The following FIP1L1 variants were observed in gnomAD, a reference collection of about 807,000 sequenced individuals.
FIP1L1 encodes pre-mRNA 3'-end-processing factor FIP1.
A neutral mutation model predicts 84.6 loss-of-function variants in FIP1L1; 21 were observed. The ratio of observed to expected loss-of-function variants is 0.25; its 90% CI spans 0.18 to 0.36. The LOEUF (loss-of-function observed/expected upper bound fraction) is 0.36. FIP1L1 is among the 10% of genes least tolerant of loss of function. The pLI, the probability that FIP1L1 is intolerant of heterozygous loss-of-function variation, is 1.00. For synonymous variants in FIP1L1, 263 were observed against 242.3 expected, an observed-to-expected ratio of 1.09 and a Z score of -0.80; for missense variants, 526 against 751.1, an observed-to-expected ratio of 0.70 and a Z score of 3.50.
intron 15 of FIP1L1, among the ~76,000 whole-genome samples, chr4:53,445,492 G>A (rs1773807273): frequency 1.3e-5 from 2 of 152,190 alleles, no homozygotes; most frequent in Non-Finnish European, 2.9e-5. Context: ...ACCAGGGAAT[G>A]AGTAGTTCTC....
intron 16 of FIP1L1, among the ~76,000 whole-genome samples, chr4:53,457,599 CTA>C (rs1214921224): frequency 6.6e-6 from 1 of 152,020 alleles, no homozygotes; most frequent in Non-Finnish European, 1.5e-5. Flanking sequence ...TGTCACCTGA[CTA>C]TGTTAAACCC....
rs371873079 is a variant in FIP1L1 at position 53,419,936 on chromosome 4, C to T, written c.923+5214C>T. ...AAGACCAGCCTGACCAGGCCAGGCG[C>T]GGTGGCTCACGCCTGTAATCCCAGC... On this transcript the variant is annotated intron_variant, in intron 11 of 17. Transcript: ENST00000337488. 6.3e-4 allele frequency among the ~76,000 whole-genome samples: 96 copies of T among 152,044 alleles called. 1 individual carries two copies. In the South Asian group the frequency reaches 0.017, roughly 27 times the overall value.
chr4:53,394,834 T>G (rs1746383859), intron 9 of FIP1L1, among the ~76,000 whole-genome samples: 1 of 152,112 alleles, frequency 6.6e-6, no homozygotes. Context: ...CTACATAGTT[T>G]ATTATTTGGA....
chr4:53,382,539 G>A (rs1738655137), intron 4 of FIP1L1, among the ~76,000 whole-genome samples: 1 of 152,220 alleles, frequency 6.6e-6, no homozygotes, highest in South Asian at 2.1e-4. Flanking sequence ...AAAGACTGCA[G>A]AGGAAAATAG....
rs149817693 is a variant in FIP1L1, at chr4:53,399,834, G to A, written c.810G>A (p.Pro270=). ...CTTTGTTCAAGACTGGGCTTCCACCGAGCAGGTTAGTTACATAGTTATAAC... is the reference window on the plus strand; with the variant it reads ...CTTTGTTCAAGACTGGGCTTCCACCAAGCAGGTTAGTTACATAGTTATAAC... ...PPSLFKTGLP[P]SRNSTSSQSQ... is the part of the protein sequence containing the mutation. The change falls in exon 10 of 18, where the codon CCG becomes CCA. Residue 270 remains proline (P), a synonymous_variant. Coordinates refer to ENST00000337488, the MANE Select transcript of FIP1L1 (RefSeq NM_030917.4). The A allele has an allele frequency of 1.7e-5, 27 of 1,604,266 alleles. No individual in the cohort carries two copies. Among genetic ancestry groups the A allele is most frequent in the Middle Eastern group, 1.6e-4 (1 of 6,070 alleles).
intron 15 of FIP1L1, among the ~76,000 whole-genome samples, chr4:53,448,294 T>C (rs1220002636): frequency 6.6e-6 from 1 of 152,126 alleles, no homozygotes; most frequent in Non-Finnish European, 1.5e-5. Flanking sequence ...TCTATGTGTA[T>C]GAATCTGGTT....
chr4:53,379,286 T>A (rs113914235), intron 3 of FIP1L1, 22 bp downstream of exon 3: 13 of 1,575,096 alleles, frequency 8.3e-6, no homozygotes, highest in African/African-American at 6.8e-5. Flanking sequence ...TTTCTGTTGA[T>A]GCCTATTACA....
chr4:53,400,926 T>C (rs575815395), intron 10 of FIP1L1, among the ~76,000 whole-genome samples: 156 of 152,332 alleles, frequency 1.0e-3, no homozygotes, highest in Non-Finnish European at 1.8e-3. Flanking sequence ...GAGGTTAACT[T>C]TCATTCATTG....
intron 13 of FIP1L1, among the ~76,000 whole-genome samples, chr4:53,431,286 CTA>C (rs1491109401): frequency 6.6e-6 from 1 of 152,138 alleles, no homozygotes; most frequent in African/African-American, 2.4e-5. Flanking sequence ...CATGATTACA[CTA>C]TGTTCCGTAG....
intron 11 of FIP1L1, among the ~76,000 whole-genome samples, chr4:53,425,590 GACT>G (rs754584671): frequency 2.6e-5 from 4 of 152,022 alleles, no homozygotes; most frequent in Non-Finnish European, 4.4e-5. Flanking sequence ...TTTATTTGGA[GACT>G]ACTAAAACTA....
intron 1 of FIP1L1, chr4:53,378,180 C>T (rs1168234112): frequency 5.5e-6 from 2 of 363,022 alleles, no homozygotes; most frequent in Non-Finnish European, 9.9e-6. Flanking sequence ...GGTCCTGGCC[C>T]CCGGCTTCGC....
chr4:53,422,250 A>G (rs1050552264), intron 11 of FIP1L1, among the ~76,000 whole-genome samples: 9 of 152,114 alleles, frequency 5.9e-5, no homozygotes, highest in African/African-American at 2.2e-4. Context: ...ATATTTAAAT[A>G]TTAATAAAAT....
chr4:53,458,859 G>C, intron 17 of FIP1L1, 69 bp downstream of exon 17: 1 of 1,518,418 alleles, frequency 6.6e-7, no homozygotes, highest in Non-Finnish European at 8.9e-7. Flanking sequence ...TTGTCGCATT[G>C]GAAGAGGGGA....
intron 14 of FIP1L1, among the ~76,000 whole-genome samples, chr4:53,443,836 A>G (rs1324377451): frequency 3.9e-5 from 6 of 152,150 alleles, no homozygotes; most frequent in Non-Finnish European, 7.4e-5. Context: ...TAGTATTAGT[A>G]CATCCTATTT....
intron 10 of FIP1L1, among the ~76,000 whole-genome samples, chr4:53,411,594 A>G (rs1757256280): frequency 6.6e-6 from 1 of 152,198 alleles, no homozygotes. Flanking sequence ...GATATAATAC[A>G]GGGTGCACAG....
chr4:53,460,805 T>G lies in FIP1L1; in HGVS notation c.*1356T>G. On this transcript the variant is annotated 3_prime_UTR_variant, in exon 18 of 18. Transcript: ENST00000337488. ...CATACTTTTCCTGACATTTTTACAA[T>G]GTATTCTTTCTTTAAATATAAAAAC... 7 of 1,157,172 alleles carry G rather than the reference T, an allele frequency of 6.0e-6. No homozygotes were observed. The highest frequency in any genetic ancestry group is 8.6e-6 in the Non-Finnish European group (7 of 812,262). 71.7% of individuals were successfully genotyped at this position (1,157,172 alleles called of 1,614,324 possible). A position where few individuals can be genotyped will look rare whatever the true frequency, so the allele number is the denominator to read the frequency against.
intron 14 of FIP1L1, among the ~76,000 whole-genome samples, chr4:53,443,011 C>A (rs1404632582): frequency 6.6e-6 from 1 of 152,016 alleles, no homozygotes; most frequent in Non-Finnish European, 1.5e-5. Context: ...ATGGGAAATA[C>A]AAACATAAAT....
chr4:53,387,976 TATGAAATGATTATTTCAAGTTGGTGACG>T lies in FIP1L1; in HGVS notation c.333-1830_333-1803del, dbSNP rs1156816092. Among the ~76,000 whole-genome samples, 6 of 152,350 alleles carry T rather than the reference TATGAAATGATTATTTCAAGTTGGTGACG, an allele frequency of 3.9e-5. No individual in the cohort carries two copies. In the East Asian group the frequency reaches 9.6e-4, roughly 24 times the overall value. On this transcript the variant is annotated intron_variant, in intron 5 of 17. Transcript: ENST00000337488. ...TAAGCATTACATGAATTAATCAGCC[TATGAAATGATTATTTCAAGTTGGTGACG>T]ATAGTACTGCTTGACAGTAGTAATA...
chr4:53,398,904 C>A (rs1270969507), intron 9 of FIP1L1, among the ~76,000 whole-genome samples: 2 of 152,138 alleles, frequency 1.3e-5, no homozygotes, highest in African/African-American at 4.8e-5. Context: ...GTAATTCCAG[C>A]ACTTTGGGAG....
Sources: allele counts gnomAD v4.1 joint callset (sites outside exome capture counted in the v4.1 genomes callset), GRCh38; gene constraint gnomAD v4.1.1; transcripts MANE v1.5; gene names NCBI Gene and HGNC (gene_info 2026-07-23, HGNC 2026-07-21).